The following LINGO4 variants were observed in gnomAD, a reference collection of about 807,000 sequenced individuals.
The protein encoded by LINGO4 is leucine rich repeat and Ig domain containing 4, also known as leucine-rich repeat and immunoglobulin-like domain-containing nogo receptor-interacting protein 4.
LINGO4 carries 22 observed loss-of-function variants against 27.9 expected under a neutral mutation model. The ratio of observed to expected loss-of-function variants is 0.79; its 90% CI spans 0.56 to 1.13. The LOEUF (loss-of-function observed/expected upper bound fraction) is 1.13. LINGO4 is among the 50% of genes most tolerant of loss of function. The pLI is 0.00. For missense variants in LINGO4, 706 were observed against 739.4 expected, an observed-to-expected ratio of 0.95 and a Z score of 0.52; for synonymous variants, 306 against 325.8, an observed-to-expected ratio of 0.94 and a Z score of 0.65.
In LINGO4 at chr1:151,801,452, G is replaced by A. The variant is rs748289467; in HGVS notation, c.1253C>T (p.Ser418Leu). ...CTCTGCAATGACCCATCGAGGCCCCGACTTTCGGATCAGGGCTGGTTTGCA... is the reference window on the plus strand; with the variant it reads ...CTCTGCAATGACCCATCGAGGCCCCAACTTTCGGATCAGGGCTGGTTTGCA... The part of the protein sequence containing the change: ...FTCKPALIRK[S>L]GPRWVIAEEG... Residue 418 changes from serine to leucine, a missense_variant, in exon 2 of 2, where the codon TCG becomes TTG. Coordinates refer to ENST00000368820, the MANE Select transcript of LINGO4 (RefSeq NM_001004432.4). This position sits in a 1 kb window ranked among gnomAD's most constrained non-coding sequence, Gnocchi z 5.7. 2.0e-5 allele frequency: 32 copies of A among 1,614,024 alleles called. No homozygotes were observed. The African/African-American group carries it at 2.3e-4, about 11-fold the overall frequency.
At position 151,801,603 on chromosome 1, in the gene LINGO4, AGAG is replaced by A. The variant is rs1297164715; in HGVS notation, c.1099_1101del (p.Leu367del). 12 of 1,613,926 alleles carry A rather than the reference AGAG, an allele frequency of 7.4e-6. No homozygotes were observed. Among genetic ancestry groups the A allele is most frequent in the Non-Finnish European group, 7.6e-6 (9 of 1,180,036 alleles). ...AGGTGGCGGCGGAGCCGGAGCAGCC[AGAG>A]GAGGCGGCAGTCACAGGTTAGGGGG... On this transcript the variant is annotated inframe_deletion, in exon 2 of 2. Transcript: ENST00000368820. This position sits in a 1 kb window ranked among gnomAD's most constrained non-coding sequence, Gnocchi z 5.7.
rs1443076571 is a variant in LINGO4, at chr1:151,802,291, G to A, written c.414C>T (p.Asp138=). ...AGAGAACAATCTGGTTGAGGCGGAG[G>A]TCCAGCAGGGTCAGAGCAGAGAGGC... The part of the protein sequence containing the change: ...FSGLSALTLL[D]LRLNQIVLFL... The change falls in exon 2 of 2, where the codon GAC becomes GAT. Residue 138 remains aspartate (D), a synonymous_variant. Coordinates refer to ENST00000368820, the MANE Select transcript of LINGO4 (RefSeq NM_001004432.4). 5.0e-6 allele frequency: 8 copies of A among 1,614,088 alleles called. No individual in the cohort carries two copies. The highest frequency in any genetic ancestry group is 8.5e-7 in the Non-Finnish European group (1 of 1,180,050).
rs1288948855 is a variant in LINGO4, at chr1:151,805,298, C to T, written c.-82G>A. ...CCAGCGCTGGGGGCCCTGTCCCATT[C>T]GAGCTGCACCTCAGGCCCCTGCACC... On this transcript the variant is annotated 5_prime_UTR_variant, in exon 1 of 2. Coordinates refer to ENST00000368820, the MANE Select transcript of LINGO4 (RefSeq NM_001004432.4). 2.5e-5 allele frequency: 4 copies of T among 158,636 alleles called. No homozygotes were observed. The highest frequency in any genetic ancestry group is 1.5e-4 in the South Asian group (1 of 6,692). The allele number at this position is 158,636 out of a possible 1,614,324, so 9.8% of individuals were successfully genotyped here.
Position 151,802,300 on chromosome 1 carries a change from G to C in LINGO4, c.405C>G (p.Thr135=), listed in dbSNP as rs759008226. 1 of 1,614,184 alleles carries C rather than the reference G, an allele frequency of 6.2e-7. No homozygotes were observed. Among genetic ancestry groups the C allele is most frequent in the South Asian group, 1.1e-5 (1 of 91,084 alleles). The stretch of plus-strand genomic sequence containing the variant: ...TCTGGTTGAGGCGGAGGTCCAGCAG[G>C]GTCAGAGCAGAGAGGCCTGAGAAGA... The part of the protein sequence containing the change: ...PGVFSGLSAL[T]LLDLRLNQIV... Residue 135 remains threonine, a synonymous_variant, in exon 2 of 2, where the codon ACC becomes ACG. Coordinates refer to ENST00000368820, the MANE Select transcript of LINGO4 (RefSeq NM_001004432.4).
Position 151,801,781 on chromosome 1 carries a change from T to TG in LINGO4, c.923dup (p.Gly309ArgfsTer26). Reference sequence around the variant, plus strand: ...CAGCAATGGAGGTGAGGCATGCCCCTGACAGGCGTAGCTCCTGGAGCCGCA... The same window carrying TG: ...CAGCAATGGAGGTGAGGCATGCCCCTGGACAGGCGTAGCTCCTGGAGCCGCA... On this transcript the variant is annotated frameshift_variant, in exon 2 of 2. Coordinates refer to ENST00000368820, the MANE Select transcript of LINGO4 (RefSeq NM_001004432.4). LOFTEE classifies it high-confidence loss of function. The surrounding 1 kb of genome is among the most constrained non-coding windows in gnomAD (Gnocchi z 5.7). 6.2e-7 allele frequency: 1 copy of TG among 1,614,194 alleles called. No individual in the cohort carries two copies.
Position 151,801,116 on chromosome 1 carries a change from C to G in LINGO4, c.1589G>C (p.Arg530Thr), listed in dbSNP as rs758310973. Residue 530 changes from arginine to threonine, a missense_variant, in exon 2 of 2, where the codon AGA becomes ACA. Physicochemically the swap from Arg to Thr is moderately conservative, Grantham distance 71. Transcript: ENST00000368820. This position sits in a 1 kb window ranked among gnomAD's most constrained non-coding sequence, Gnocchi z 5.7. ...GACTGCCAGCACCATGGCCACACCT[C>G]TGCTATCCAGAAAAAAAGGCCCTGG... is the stretch of plus-strand genomic sequence containing the variant. The part of the protein sequence containing the change: ...GIPGPFFLDS[R>T]GVAMVLAVGF... 3.1e-6 allele frequency: 5 copies of G among 1,614,218 alleles called. No individual in the cohort carries two copies. The highest frequency in any genetic ancestry group is 4.2e-6 in the Non-Finnish European group (5 of 1,180,038).
rs1433018277 is a variant in LINGO4, at chr1:151,800,850, A to G, written c.*73T>C. On this transcript the variant is annotated 3_prime_UTR_variant, in exon 2 of 2. Transcript: ENST00000368820. ...CTGCTCGGGACTAGGTTCTGGTTCA[A>G]GCAGCCTTGGTTCTGTCTTCCCCTT... 7.8e-6 allele frequency: 11 copies of G among 1,415,970 alleles called. No homozygotes were observed. The East Asian group carries it at 2.5e-4, about 32-fold the overall frequency. 87.7% of individuals were successfully genotyped at this position (1,415,970 alleles called of 1,614,324 possible).
At chr1:151,802,739 C>A in intron 1 of LINGO4, 22 bp from the exon 2 acceptor site, 2 of 1,439,678 alleles carry the variant, frequency 1.4e-6, no homozygotes, top group South Asian at 3.0e-5. Context: ...GATGACATGG[C>A]CCTTTTTGGA....
chr1:151,800,730 A>T lies in LINGO4; in HGVS notation c.*193T>A, dbSNP rs1651120758. On this transcript the variant is annotated 3_prime_UTR_variant, in exon 2 of 2. Transcript: ENST00000368820. ...CTGCAGCTCCCTGGGACCCTCAGAG[A>T]AGAAATGACAATGCTATCCTCAGAC... is the stretch of plus-strand genomic sequence containing the variant. 1 of 574,284 alleles carries T rather than the reference A, an allele frequency of 1.7e-6. No individual in the cohort carries two copies. The highest frequency in any genetic ancestry group is 3.3e-5 in the Admixed American group (1 of 30,338). 35.6% of individuals were successfully genotyped at this position (574,284 alleles called of 1,614,324 possible). A position where few individuals can be genotyped will look rare whatever the true frequency, so the allele number is the denominator to read the frequency against.
rs371893410 is a variant in LINGO4, at chr1:151,801,017, C to T, written c.1688G>A (p.Arg563Gln). ...GTCAAAGGTCATGTGATGTTTGACC[C>T]GACCTTTGCCCTTGCTCCAAAGGGC... ...LIALWSKGKG[R>Q]VKHHMTFDFV... The change falls in exon 2 of 2, where the codon CGG (arginine) becomes CAG (glutamine). Residue 563 changes from arginine (R) to glutamine (Q), a missense_variant. Arg to Gln is a conservative substitution (Grantham distance 43). Coordinates refer to ENST00000368820, the MANE Select transcript of LINGO4 (RefSeq NM_001004432.4). The surrounding 1 kb of genome is among the most constrained non-coding windows in gnomAD (Gnocchi z 5.7). The T allele has an allele frequency of 1.5e-5, 24 of 1,614,122 alleles. No individual in the cohort carries two copies. Among genetic ancestry groups the T allele is most frequent in the Middle Eastern group, 1.6e-4 (1 of 6,062 alleles).
chr1:151,803,521 G>A (rs1379028551), intron 1 of LINGO4, among the ~76,000 whole-genome samples: 1 of 152,230 alleles, frequency 6.6e-6, no homozygotes, highest in Non-Finnish European at 1.5e-5. Flanking sequence ...GAGACCCAAA[G>A]GATGCCCAGG....
At position 151,800,830 on chromosome 1, in the gene LINGO4, C is replaced by G; in HGVS notation, c.*93G>C. 2 of 1,190,922 alleles carry G rather than the reference C, an allele frequency of 1.7e-6. No individual in the cohort carries two copies. Among genetic ancestry groups the G allele is most frequent in the South Asian group, 3.0e-5 (2 of 67,432 alleles). 73.8% of individuals were successfully genotyped at this position (1,190,922 alleles called of 1,614,324 possible). A position where few individuals can be genotyped will look rare whatever the true frequency, so the allele number is the denominator to read the frequency against. On this transcript the variant is annotated 3_prime_UTR_variant, in exon 2 of 2. Coordinates refer to ENST00000368820, the MANE Select transcript of LINGO4 (RefSeq NM_001004432.4). Reference sequence around the variant, plus strand: ...GGAGGTGCAGGAGAGCGGTGCTGCTCGGGACTAGGTTCTGGTTCAAGCAGC... The same window carrying G: ...GGAGGTGCAGGAGAGCGGTGCTGCTGGGGACTAGGTTCTGGTTCAAGCAGC...
rs199590731 is a variant in LINGO4 at position 151,801,588 on chromosome 1, G to T, written c.1117C>A (p.Arg373Ser). 2 of 1,613,634 alleles carry T rather than the reference G, an allele frequency of 1.2e-6. No homozygotes were observed. The highest frequency in any genetic ancestry group is 1.7e-6 in the Non-Finnish European group (2 of 1,180,022). ...GACATGCCAAAGTCCAGGTGGCGGCGGAGCCGGAGCAGCCAGAGGAGGCGG... is the reference window on the plus strand; with the variant it reads ...GACATGCCAAAGTCCAGGTGGCGGCTGAGCCGGAGCAGCCAGAGGAGGCGG... ...DCRLLWLLRL[R>S]RHLDFGMSPP... The change falls in exon 2 of 2, where the codon CGC becomes AGC. Residue 373 changes from arginine (R) to serine (S), a missense_variant. Transcript: ENST00000368820. This position sits in a 1 kb window ranked among gnomAD's most constrained non-coding sequence, Gnocchi z 5.7.
Position 151,802,278 on chromosome 1 carries a change from G to T in LINGO4, c.427C>A (p.Gln143Lys). 1.2e-6 allele frequency: 2 copies of T among 1,614,238 alleles called. No homozygotes were observed. The highest frequency in any genetic ancestry group is 1.7e-6 in the Non-Finnish European group (2 of 1,180,044). Residue 143 changes from glutamine (Q) to lysine (K), a missense_variant, in exon 2 of 2, where the codon CAG becomes AAG. Gln to Lys is a moderately conservative substitution (Grantham distance 53, BLOSUM62 1). Coordinates refer to ENST00000368820, the MANE Select transcript of LINGO4 (RefSeq NM_001004432.4). Reference sequence around the variant, plus strand: ...GCTCCATCTAGGAAGAGAACAATCTGGTTGAGGCGGAGGTCCAGCAGGGTC... The same window carrying T: ...GCTCCATCTAGGAAGAGAACAATCTTGTTGAGGCGGAGGTCCAGCAGGGTC... ...ALTLLDLRLNQIVLFLDGAFG... is the reference protein window; with the variant it reads ...ALTLLDLRLNKIVLFLDGAFG...
At position 151,805,371 on chromosome 1, in the gene LINGO4, T is replaced by TGCC. The variant is rs1161599561; in HGVS notation, c.-158_-156dup. ...GCTGCCTGGCTGCCCGGCTGCTGCC[T>TGCC]GCCGCTGCTGCTGCTGCTGTTGCTG... On this transcript the variant is annotated 5_prime_UTR_variant, in exon 1 of 2. Transcript: ENST00000368820. The TGCC allele has an allele frequency of 1.0e-5, 2 of 194,176 alleles. No homozygotes were observed. Among genetic ancestry groups the TGCC allele is most frequent in the Non-Finnish European group, 2.1e-5 (2 of 93,266 alleles). The allele number at this position is 194,176 out of a possible 1,614,324, so 12.0% of individuals were successfully genotyped here.
At chr1:151,805,033 G>C (rs1651249529) in intron 1 of LINGO4, among the ~76,000 whole-genome samples, 197 bp downstream of exon 1, 1 of 152,182 alleles carries the variant, frequency 6.6e-6, no homozygotes, top group Admixed American at 6.5e-5. Context: ...TCTCCTTGGA[G>C]CCCTTCCACC....
At position 151,801,426 on chromosome 1, in the gene LINGO4, C is replaced by T. The variant is rs867863692; in HGVS notation, c.1279G>A (p.Glu427Lys). Residue 427 changes from glutamate to lysine, a missense_variant, in exon 2 of 2, where the codon GAG (glutamate) becomes AAG (lysine). Physicochemically the swap from Glu to Lys is moderately conservative, Grantham distance 56. Coordinates refer to ENST00000368820, the MANE Select transcript of LINGO4 (RefSeq NM_001004432.4). This position sits in a 1 kb window ranked among gnomAD's most constrained non-coding sequence, Gnocchi z 5.7. ...CAGGAGAAAACCGCATGCCCGCCCT[C>T]CTCTGCAATGACCCATCGAGGCCCC... is the stretch of plus-strand genomic sequence containing the variant. The part of the protein sequence containing the change: ...KSGPRWVIAE[E>K]GGHAVFSCSG... 1 of 1,614,194 alleles carries T rather than the reference C, an allele frequency of 6.2e-7. No individual in the cohort carries two copies. The highest frequency in any genetic ancestry group is 1.1e-5 in the South Asian group (1 of 91,090).
chr1:151,801,296 T>G lies in LINGO4; in HGVS notation c.1409A>C (p.Glu470Ala), dbSNP rs762583977. ...RVRVLEDGTL[E>A]IRSVQLRDRG... ...GTCCCGTAGCTGCACTGAGCGGATC[T>G]CCAGTGTCCCATCCTCTAGGACCCT... The change falls in exon 2 of 2, where the codon GAG (glutamate) becomes GCG (alanine). Residue 470 changes from glutamate to alanine, a missense_variant. Transcript: ENST00000368820. The surrounding 1 kb of genome is among the most constrained non-coding windows in gnomAD (Gnocchi z 5.7). 28 of 1,613,334 alleles carry G rather than the reference T, an allele frequency of 1.7e-5. No individual in the cohort carries two copies. The highest frequency in any genetic ancestry group is 5.0e-5 in the Admixed American group (3 of 59,990).
rs1218631389 is a variant in LINGO4, at chr1:151,801,422, C to T, written c.1283G>A (p.Gly428Asp). Residue 428 changes from glycine (G) to aspartate (D), a missense_variant, in exon 2 of 2, where the codon GGC becomes GAC. Coordinates refer to ENST00000368820, the MANE Select transcript of LINGO4 (RefSeq NM_001004432.4). The surrounding 1 kb of genome is among the most constrained non-coding windows in gnomAD (Gnocchi z 5.7). ...AGAGCAGGAGAAAACCGCATGCCCG[C>T]CCTCCTCTGCAATGACCCATCGAGG... The part of the protein sequence containing the change: ...SGPRWVIAEE[G>D]GHAVFSCSGD... 1.7e-5 allele frequency: 28 copies of T among 1,614,160 alleles called. No homozygotes were observed. Among genetic ancestry groups the T allele is most frequent in the Non-Finnish European group, 2.4e-5 (28 of 1,180,048 alleles).
Sources: allele counts gnomAD v4.1 joint callset (sites outside exome capture counted in the v4.1 genomes callset), GRCh38; gene constraint gnomAD v4.1.1; non-coding constraint Gnocchi (gnomAD v3.1); transcripts MANE v1.5; gene names NCBI Gene and HGNC (gene_info 2026-07-23, HGNC 2026-07-21).